XKR3: variants seen among roughly 807,000 people sequenced by gnomAD.
The protein encoded by XKR3 is XK-related protein 3.
A neutral mutation model predicts 40.3 loss-of-function variants in XKR3; 27 were observed. That is an observed-to-expected ratio of 0.67 (90% CI 0.49 to 0.92). The LOEUF (loss-of-function observed/expected upper bound fraction) is 0.92. XKR3 is among the 40% of genes least tolerant of loss of function. XKR3 has a pLI of 0.00. For missense variants in XKR3, 472 were observed against 537.6 expected, an observed-to-expected ratio of 0.88 and a Z score of 1.21; for synonymous variants, 193 against 195.4, an observed-to-expected ratio of 0.99 and a Z score of 0.10.
intron 3 of XKR3, among the ~76,000 whole-genome samples, chr22:16,791,713 G>C (rs1387154476): frequency 6.9e-6 from 1 of 145,798 alleles, no homozygotes; most frequent in African/African-American, 2.5e-5. Context: ...GCAGGGGGGA[G>C]AGAGAGAGGG....
Position 16,784,073 on chromosome 22 carries a change from A to G in XKR3, c.926T>C (p.Leu309Ser). ...GATGGCAGCATATAGCAGTGTGATC[A>G]AGAAAAGCATCAGTACTGTACCCAC... ...NMVGTVLMLF[L>S]ITLLYAAINF... is the part of the protein sequence containing the mutation. The change falls in exon 4 of 4, where the codon TTG becomes TCG. Residue 309 changes from leucine (L) to serine (S), a missense_variant. Leu to Ser is a moderately radical substitution (Grantham distance 145). Coordinates refer to ENST00000684488, the MANE Select transcript of XKR3 (RefSeq NM_001386955.1). The G allele has an allele frequency of 6.2e-7, 1 of 1,614,218 alleles. No homozygotes were observed. The highest frequency in any genetic ancestry group is 1.1e-5 in the South Asian group (1 of 91,076).
Position 16,783,992 on chromosome 22 carries a change from T to G in XKR3, c.1007A>C (p.Asp336Ala), listed in dbSNP as rs762456194. The change falls in exon 4 of 4, where the codon GAC (aspartate) becomes GCC (alanine). Residue 336 changes from aspartate (D) to alanine (A), a missense_variant. Coordinates refer to ENST00000684488, the MANE Select transcript of XKR3 (RefSeq NM_001386955.1). ...KLQLSDDKIIDGRQRWGHRIL... is the reference protein window; with the variant it reads ...KLQLSDDKIIAGRQRWGHRIL... Reference sequence around the variant, plus strand: ...TCTATGGCCCCACCTCTGTCTCCCGTCAATTATTTTGTCATCTGACAACTG... The same window carrying G: ...TCTATGGCCCCACCTCTGTCTCCCGGCAATTATTTTGTCATCTGACAACTG... The G allele has an allele frequency of 2.5e-6, 4 of 1,614,188 alleles. No individual in the cohort carries two copies. Among genetic ancestry groups the G allele is most frequent in the Non-Finnish European group, 3.4e-6 (4 of 1,180,046 alleles).
intron 3 of XKR3, among the ~76,000 whole-genome samples, chr22:16,787,532 C>T (rs1274630663): frequency 6.7e-6 from 1 of 149,568 alleles, no homozygotes; most frequent in Non-Finnish European, 1.5e-5. Flanking sequence ...GCACTCCAGC[C>T]TAGGCAACAA....
intron 1 of XKR3, among the ~76,000 whole-genome samples, chr22:16,812,436 G>A (rs2060216720): frequency 6.6e-6 from 1 of 152,156 alleles, no homozygotes; most frequent in African/African-American, 2.4e-5. Context: ...CAGCACTTTG[G>A]GAGGCTGAGG....
At chr22:16,810,187 G>GTC (rs929896374) in intron 1 of XKR3, among the ~76,000 whole-genome samples, 5 of 152,148 alleles carry the variant, frequency 3.3e-5, no homozygotes, top group African/African-American at 1.2e-4. Flanking sequence ...TCTCCAGCCA[G>GTC]TCTCTTACCA....
chr22:16,810,653 C>T (rs5992552), intron 1 of XKR3, among the ~76,000 whole-genome samples: 5,734 of 152,206 alleles, frequency 0.038, 344 homozygotes, highest in African/African-American at 0.13. Context: ...CAGGAAAGAT[C>T]AACACTATTT....
At chr22:16,793,090 G>A (rs1455317328) in intron 3 of XKR3, among the ~76,000 whole-genome samples, 2 of 152,038 alleles carry the variant, frequency 1.3e-5, no homozygotes, top group African/African-American at 2.4e-5. Context: ...TTGGCTCACC[G>A]CAACCTCTGC....
At chr22:16,824,323 C>T (rs2060266456) in intron 1 of XKR3, among the ~76,000 whole-genome samples, 1 of 151,700 alleles carries the variant, frequency 6.6e-6, no homozygotes, top group African/African-American at 2.4e-5. Flanking sequence ...ATGTTTTTCC[C>T]CAAATAATGT....
chr22:16,787,368 G>A (rs1218517247), intron 3 of XKR3, among the ~76,000 whole-genome samples: 1 of 151,964 alleles, frequency 6.6e-6, no homozygotes, highest in Non-Finnish European at 1.5e-5. Flanking sequence ...AGAGCAGAGT[G>A]CCCAACATGG....
Position 16,806,519 on chromosome 22 carries a change from C to T in XKR3, c.335+1220G>A, listed in dbSNP as rs1379928794. On this transcript the variant is annotated intron_variant, in intron 2 of 3. Transcript: ENST00000684488. The stretch of plus-strand genomic sequence containing the variant: ...GTTTTGCTCTGTTGCCTAGGCGCAA[C>T]TTCTGCCTCCCAGTTTCAAAAGATT... Among the ~76,000 whole-genome samples, 15 of 134,028 alleles carry T rather than the reference C, an allele frequency of 1.1e-4. No individual in the cohort carries two copies. In the South Asian group the frequency reaches 2.5e-3, roughly 23 times the overall value. The allele number at this position is 134,028 out of a possible 152,430, so 87.9% of individuals were successfully genotyped here. A position where few individuals can be genotyped will look rare whatever the true frequency, so the allele number is the denominator to read the frequency against.
chr22:16,823,387 T>G (rs899294819), intron 1 of XKR3, among the ~76,000 whole-genome samples: 1 of 152,184 alleles, frequency 6.6e-6, no homozygotes. Flanking sequence ...CATCATCATT[T>G]CTTAGAAACA....
intron 2 of XKR3, among the ~76,000 whole-genome samples, chr22:16,806,480 T>C (rs1278517915): frequency 6.6e-6 from 1 of 150,764 alleles, no homozygotes; most frequent in Non-Finnish European, 1.5e-5. Flanking sequence ...TTTTTTTTTT[T>C]TTTTTTTGAC....
chr22:16,813,011 G>A (rs185470900), intron 1 of XKR3, among the ~76,000 whole-genome samples: 9 of 152,100 alleles, frequency 5.9e-5, no homozygotes, highest in Non-Finnish European at 2.9e-5. Context: ...TGGGCCGGGC[G>A]CGGTGGCTCA....
rs377149484 is a variant in XKR3, at chr22:16,796,923, C to T, written c.589+2848G>A. 6.7e-3 allele frequency among the ~76,000 whole-genome samples: 1,022 copies of T among 152,314 alleles called. 13 individuals carry two copies. Among genetic ancestry groups the T allele is most frequent in the African/African-American group, 0.023 (965 of 41,572 alleles). On this transcript the variant is annotated intron_variant, in intron 3 of 3. Transcript: ENST00000684488. ...TTACACTACCTGACTTCAAACTACA[C>T]TTAAAAGCTGCAGTAGCAAAAACAG... is the stretch of plus-strand genomic sequence containing the variant.
intron 3 of XKR3, among the ~76,000 whole-genome samples, chr22:16,799,304 C>T (rs1385573313): frequency 1.3e-5 from 2 of 150,072 alleles, no homozygotes; most frequent in African/African-American, 4.9e-5. Context: ...GTCCCAGCTA[C>T]TCAGGAGGCT....
intron 3 of XKR3, among the ~76,000 whole-genome samples, chr22:16,796,571 G>C (rs1476286759): frequency 6.6e-5 from 10 of 152,154 alleles, no homozygotes; most frequent in Non-Finnish European, 1.3e-4. Context: ...ATCAATAAAT[G>C]TGATCACCAC....
Position 16,800,191 on chromosome 22 carries a change from A to G in XKR3, c.336-167T>C, listed in dbSNP as rs368213098. On this transcript the variant is annotated intron_variant, in intron 2 of 3. Coordinates refer to ENST00000684488, the MANE Select transcript of XKR3 (RefSeq NM_001386955.1). ...AAAAATAAGTTTCTAACAGTTTCTAATATTATTATTTATGGTAGTTCTTCC... is the reference window on the plus strand; with the variant it reads ...AAAAATAAGTTTCTAACAGTTTCTAGTATTATTATTTATGGTAGTTCTTCC... 1.4e-4 allele frequency among the ~76,000 whole-genome samples: 21 copies of G among 149,262 alleles called. No individual in the cohort carries two copies. The East Asian group carries it at 3.6e-3, about 26-fold the overall frequency.
chr22:16,809,002 C>T (rs548405635), intron 1 of XKR3, among the ~76,000 whole-genome samples: 5 of 151,998 alleles, frequency 3.3e-5, no homozygotes, highest in South Asian at 2.1e-4. Flanking sequence ...CCCCAGAAGA[C>T]GTTGGTGGTT....
intron 3 of XKR3, among the ~76,000 whole-genome samples, chr22:16,794,739 G>A (rs1782800813): frequency 6.6e-6 from 1 of 152,280 alleles, no homozygotes; most frequent in East Asian, 1.9e-4. Context: ...CACAGTGGTA[G>A]GCTGAATAAA....
Sources: allele counts gnomAD v4.1 joint callset (sites outside exome capture counted in the v4.1 genomes callset), GRCh38; gene constraint gnomAD v4.1.1; transcripts MANE v1.5; gene names NCBI Gene and HGNC (gene_info 2026-07-23, HGNC 2026-07-21).